Variants in ZNF37A observed in about 807,000 individuals in gnomAD.
The protein encoded by ZNF37A is zinc finger protein 37a (KOX 21).
A neutral mutation model predicts 12.3 loss-of-function variants in ZNF37A; 10 were observed. The ratio of observed to expected loss-of-function variants is 0.82; its 90% CI spans 0.50 to 1.38. The LOEUF (loss-of-function observed/expected upper bound fraction) is 1.38, where lower values mean the gene tolerates loss of function less well. ZNF37A is among the 40% of genes most tolerant of loss of function. The pLI, the probability that ZNF37A is intolerant of heterozygous loss-of-function variation, is 0.00. For synonymous variants in ZNF37A, 207 were observed against 223.0 expected (o/e 0.93, Z 0.64); for missense variants, 580 against 651.2 (o/e 0.89, Z 1.19).
In ZNF37A at chr10:38,118,183, A is replaced by G. The variant is rs1179706260; in HGVS notation, c.1032A>G (p.Gln344=). Residue 344 remains glutamine (Q), a synonymous_variant, in exon 8 of 8, where the codon CAA becomes CAG. Transcript: ENST00000685332. ...KSFSEKSTLT[Q]HQRTHTGEKP... ...TCAGTGAAAAGTCAACCCTTACTCA[A>G]CATCAAAGAACGCACACAGGGGAGA... is the stretch of plus-strand genomic sequence containing the variant. The G allele has an allele frequency of 1.2e-6, 2 of 1,614,062 alleles. No homozygotes were observed. Among genetic ancestry groups the G allele is most frequent in the Admixed American group, 3.3e-5 (2 of 59,988 alleles).
intron 7 of ZNF37A, 196 bp from the exon 8 acceptor site, chr10:38,117,194 T>G: frequency 2.0e-6 from 2 of 985,048 alleles, no homozygotes; most frequent in Non-Finnish European, 2.4e-6. Flanking sequence ...GACTATGAAT[T>G]AGAACTTTTA....
In ZNF37A at chr10:38,118,704, CAG is replaced by C. The variant is rs747667742; in HGVS notation, c.1554_1555del (p.Lys521ThrfsTer3). 6.9e-5 allele frequency: 111 copies of C among 1,613,816 alleles called. No homozygotes were observed. The highest frequency in any genetic ancestry group is 8.6e-5 in the Non-Finnish European group (101 of 1,179,960). ...CTCATTGCACATCATAGAACACACA[CAG>C]GGGAGAAACCCTATGAATGTAATGT... On this transcript the variant is annotated frameshift_variant, in exon 8 of 8. Coordinates refer to ENST00000685332, the MANE Select transcript of ZNF37A (RefSeq NM_001324250.3). LOFTEE classifies it low-confidence loss of function (END_TRUNC).
chr10:38,122,848 C>A lies in ZNF37A; in HGVS notation c.*4011C>A, dbSNP rs1384550320. 6.6e-6 allele frequency: 1 copy of A among 152,136 alleles called. No individual in the cohort carries two copies. The highest frequency in any genetic ancestry group is 1.5e-5 in the Non-Finnish European group (1 of 68,040). The allele number at this position is 152,136 out of a possible 1,614,324, so 9.4% of individuals were successfully genotyped here. ...GGGATCACATCAAGTTAAAAATCTT[C>A]TGCATTGCAAAGGAAATAACAAAGT... On this transcript the variant is annotated 3_prime_UTR_variant, in exon 8 of 8. Coordinates refer to ENST00000685332, the MANE Select transcript of ZNF37A (RefSeq NM_001324250.3).
At chr10:38,112,771 T>TCGG (rs1564932228) in intron 5 of ZNF37A, among the ~76,000 whole-genome samples, 2,996 of 54,654 alleles carry the variant, frequency 0.055, 345 homozygotes, top group African/African-American at 0.081. Context: ...TTTTCTTTTC[T>TCGG]TTTCTTTTCT....
chr10:38,119,046 A>C lies in ZNF37A; in HGVS notation c.*209A>C. On this transcript the variant is annotated 3_prime_UTR_variant, in exon 8 of 8. Coordinates refer to ENST00000685332, the MANE Select transcript of ZNF37A (RefSeq NM_001324250.3). ...TGTTACAAAACTAAAAGTGGAAAAA[A>C]CTTATTGGTGAATGAATATAGGAAA... 2 of 1,252,750 alleles carry C rather than the reference A, an allele frequency of 1.6e-6. No homozygotes were observed. The highest frequency in any genetic ancestry group is 2.0e-6 in the Non-Finnish European group (2 of 997,986). The allele number at this position is 1,252,750 out of a possible 1,614,324, so 77.6% of individuals were successfully genotyped here. A position where few individuals can be genotyped will look rare whatever the true frequency, so the allele number is the denominator to read the frequency against.
chr10:38,105,274 G>A (rs1220684637), intron 5 of ZNF37A, among the ~76,000 whole-genome samples: 8 of 151,954 alleles, frequency 5.3e-5, no homozygotes, highest in Non-Finnish European at 1.0e-4. Flanking sequence ...CAAAGTGTTG[G>A]GATTACAGAT....
chr10:38,140,021 A>G (rs1344852276), intron 7 of ZNF37A: 1 of 152,180 alleles, frequency 6.6e-6, no homozygotes, highest in Non-Finnish European at 1.5e-5. Context: ...TTTCACCTGC[A>G]AATGTTAGCT....
chr10:38,116,471 A>C (rs2069278132), intron 7 of ZNF37A, among the ~76,000 whole-genome samples: 1 of 151,610 alleles, frequency 6.6e-6, no homozygotes, highest in Admixed American at 6.6e-5. Flanking sequence ...CAATGGAAAA[A>C]CAATCAGTAT....
At chr10:38,133,380 T>C (rs1402472622) in intron 7 of ZNF37A, among the ~76,000 whole-genome samples, 3 of 152,164 alleles carry the variant, frequency 2.0e-5, no homozygotes, top group Non-Finnish European at 4.4e-5. Flanking sequence ...GTTTGTTACA[T>C]ATGTATACAT....
chr10:38,108,619 A>C (rs1360192442), intron 5 of ZNF37A, among the ~76,000 whole-genome samples: 2 of 152,150 alleles, frequency 1.3e-5, no homozygotes, highest in African/African-American at 2.4e-5. Context: ...AGAGAAGAAT[A>C]AAATAGATGC....
In ZNF37A at chr10:38,117,737, C is replaced by T; in HGVS notation, c.586C>T (p.Pro196Ser). 1 of 1,613,884 alleles carries T rather than the reference C, an allele frequency of 6.2e-7. No homozygotes were observed. The highest frequency in any genetic ancestry group is 1.3e-5 in the African/African-American group (1 of 74,988). The change falls in exon 8 of 8, where the codon CCA (proline) becomes TCA (serine). Residue 196 changes from proline to serine, a missense_variant. Physicochemically the swap from Pro to Ser is moderately conservative, Grantham distance 74. Coordinates refer to ENST00000685332, the MANE Select transcript of ZNF37A (RefSeq NM_001324250.3). The stretch of plus-strand genomic sequence containing the variant: ...TTTCATCACTCATCAGCAAACACAT[C>T]CAAGAGAAAACCACTATGGTAATGA... ...SFFITHQQTH[P>S]RENHYGNECG...
intron 7 of ZNF37A, among the ~76,000 whole-genome samples, chr10:38,131,891 T>A (rs1257359256): frequency 6.6e-6 from 1 of 152,172 alleles, no homozygotes; most frequent in Non-Finnish European, 1.5e-5. Flanking sequence ...TCTTTTTAGG[T>A]GCTATTGTAA....
At chr10:38,146,950 C>T (rs751395312) in exon 8 of ZNF37A, 8 of 389,716 alleles carry the variant, frequency 2.1e-5, no homozygotes, top group Non-Finnish European at 3.2e-5. Flanking sequence ...CAGTGATAAG[C>T]ATTGTTTCTA....
chr10:38,113,681 T>C (rs549348153), intron 5 of ZNF37A, among the ~76,000 whole-genome samples: 4 of 152,194 alleles, frequency 2.6e-5, no homozygotes, highest in Non-Finnish European at 5.9e-5. Flanking sequence ...GAATTCCCTC[T>C]TCCACATCTC....
At chr10:38,117,162 A>G in intron 7 of ZNF37A, 1 of 984,816 alleles carries the variant, frequency 1.0e-6, no homozygotes, top group Non-Finnish European at 1.2e-6. Flanking sequence ...AAAACCACAC[A>G]GAATTGGAGC....
intron 5 of ZNF37A, among the ~76,000 whole-genome samples, chr10:38,108,887 C>T (rs530384302): frequency 9.9e-5 from 15 of 152,218 alleles, no homozygotes; most frequent in East Asian, 1.9e-4. Context: ...GATTCACAGC[C>T]GAATACTACC....
chr10:38,114,017 A>G (rs1428001592), intron 5 of ZNF37A, among the ~76,000 whole-genome samples: 2 of 152,232 alleles, frequency 1.3e-5, no homozygotes, highest in Non-Finnish European at 2.9e-5. Flanking sequence ...CTTTCCTTAT[A>G]TGTGGATTGG....
In ZNF37A at chr10:38,118,288, G is replaced by T. The variant is rs1366649461; in HGVS notation, c.1137G>T (p.Gly379=). The change falls in exon 8 of 8, where the codon GGG becomes GGT. Residue 379 remains glycine (G), a synonymous_variant. Coordinates refer to ENST00000685332, the MANE Select transcript of ZNF37A (RefSeq NM_001324250.3). ...VLTVHQKTHT[G]EKPYECYACG... ...CTGTGCATCAGAAAACACACACAGG[G>T]GAGAAGCCCTATGAATGCTATGCAT... The T allele has an allele frequency of 1.9e-5, 31 of 1,613,776 alleles. No individual in the cohort carries two copies. Among genetic ancestry groups the T allele is most frequent in the Non-Finnish European group, 2.5e-5 (30 of 1,179,952 alleles).
chr10:38,138,985 T>C (rs2070146545), intron 7 of ZNF37A: 1 of 152,172 alleles, frequency 6.6e-6, no homozygotes, highest in Non-Finnish European at 1.5e-5. Context: ...GGTGTTCTTT[T>C]TTATAGCATC....
Sources: allele counts gnomAD v4.1 joint callset (sites outside exome capture counted in the v4.1 genomes callset), GRCh38; gene constraint gnomAD v4.1.1; transcripts MANE v1.5; gene names NCBI Gene and HGNC (gene_info 2026-07-23, HGNC 2026-07-21).